INTS9: variants seen among roughly 807,000 people sequenced by gnomAD.
The protein encoded by INTS9 is protein related to CPSF subunits of 74 kDa.
Under a neutral mutation model 79.7 loss-of-function variants are expected in INTS9, and 55 were observed. That is an observed-to-expected ratio of 0.69 (90% CI 0.56 to 0.86). The LOEUF (loss-of-function observed/expected upper bound fraction) is 0.86, where lower values mean the gene tolerates loss of function less well. Among genes scored for constraint, INTS9 ranks in the 40% least tolerant of loss-of-function variants. INTS9 has a pLI of 0.00. For synonymous variants in INTS9, 319 were observed against 325.2 expected, an observed-to-expected ratio of 0.98 and a Z score of 0.20; for missense variants, 721 against 831.5, an observed-to-expected ratio of 0.87 and a Z score of 1.64.
chr8:28,811,508 G>C (rs1805142586), intron 8 of INTS9, among the ~76,000 whole-genome samples: 1 of 149,784 alleles, frequency 6.7e-6, no homozygotes, highest in African/African-American at 2.5e-5. Context: ...TGCAACCTCC[G>C]CTTCCCAGGC....
chr8:28,888,754 T>G (rs1810335344), intron 1 of INTS9, among the ~76,000 whole-genome samples: 1 of 152,192 alleles, frequency 6.6e-6, no homozygotes, highest in Non-Finnish European at 1.5e-5. Context: ...AATTTCGGAA[T>G]TGAATCCACT....
At chr8:28,864,731 A>AT (rs1341149579) in intron 1 of INTS9, among the ~76,000 whole-genome samples, 1 of 152,192 alleles carries the variant, frequency 6.6e-6, no homozygotes, top group Non-Finnish European at 1.5e-5. Context: ...CCTGTTGTAC[A>AT]TATCTTGGTT....
chr8:28,835,465 T>G, intron 5 of INTS9, 87 bp from the exon 6 acceptor site: 58 of 614,476 alleles, frequency 9.4e-5, no homozygotes, highest in Non-Finnish European at 1.4e-4. Context: ...GAGAAATGAC[T>G]TGCCCACCTC....
At chr8:28,785,413 A>G (rs1258913912) in intron 11 of INTS9, among the ~76,000 whole-genome samples, 1 of 152,178 alleles carries the variant, frequency 6.6e-6, no homozygotes, top group African/African-American at 2.4e-5. Flanking sequence ...TATGTTAACT[A>G]TGAGTTTACT....
At chr8:28,839,036 A>G (rs1806996432) in intron 4 of INTS9, among the ~76,000 whole-genome samples, 1 of 152,122 alleles carries the variant, frequency 6.6e-6, no homozygotes, top group African/African-American at 2.4e-5. Context: ...AGGGCCCTCC[A>G]CCGTGGAGGA....
intron 6 of INTS9, among the ~76,000 whole-genome samples, chr8:28,832,763 AC>A (rs1438192387): frequency 1.3e-5 from 2 of 150,916 alleles, no homozygotes; most frequent in African/African-American, 5.0e-5. Flanking sequence ...GGAGTTCAAG[AC>A]CAGTCTGGCC....
chr8:28,862,058 A>C, intron 1 of INTS9: 1 of 985,316 alleles, frequency 1.0e-6, no homozygotes, highest in Non-Finnish European at 1.2e-6. Flanking sequence ...AACTGAGTGC[A>C]CGGGAGCACA....
intron 8 of INTS9, among the ~76,000 whole-genome samples, chr8:28,803,744 T>C (rs1335842716): frequency 6.6e-6 from 1 of 152,106 alleles, no homozygotes; most frequent in African/African-American, 2.4e-5. Flanking sequence ...ATTCATATAG[T>C]TTTTATCTTT....
chr8:28,861,156 GAAGAAGTCTAGGAT>G (rs1318744638), intron 1 of INTS9, among the ~76,000 whole-genome samples: 4 of 152,204 alleles, frequency 2.6e-5, no homozygotes, highest in African/African-American at 7.2e-5. Flanking sequence ...CAATTGTCCT[GAAGAAGTCTAGGAT>G]CCATGATTTT....
At chr8:28,828,338 A>G (rs1806270871) in intron 6 of INTS9, among the ~76,000 whole-genome samples, 1 of 152,368 alleles carries the variant, frequency 6.6e-6, no homozygotes, top group Middle Eastern at 3.4e-3. Flanking sequence ...AGTTAACAAA[A>G]GCAGATTATG....
intron 10 of INTS9, among the ~76,000 whole-genome samples, chr8:28,789,292 CCA>C (rs1803789951): frequency 6.6e-6 from 1 of 152,048 alleles, no homozygotes; most frequent in East Asian, 1.9e-4. Flanking sequence ...ATTGTGAAGC[CCA>C]CCTACATAAT....
At chr8:28,814,547 T>A (rs60911346) in intron 6 of INTS9, among the ~76,000 whole-genome samples, 30,674 of 151,886 alleles carry the variant, frequency 0.2, 3,498 homozygotes, top group East Asian at 0.46. Context: ...CAAGAGGAAC[T>A]GTTGAAAAAA....
chr8:28,772,196 T>G (rs946328004), intron 14 of INTS9, among the ~76,000 whole-genome samples: 1 of 152,172 alleles, frequency 6.6e-6, no homozygotes, highest in Non-Finnish European at 1.5e-5. Flanking sequence ...CTGTAGCAAG[T>G]TGGATTGAGA....
chr8:28,829,707 C>T (rs1034760121), intron 6 of INTS9, among the ~76,000 whole-genome samples: 13 of 152,146 alleles, frequency 8.5e-5, no homozygotes, highest in African/African-American at 2.4e-4. Context: ...AGCCTCAAAT[C>T]GAATACCTCT....
At chr8:28,823,845 T>A (rs1805994657) in intron 6 of INTS9, among the ~76,000 whole-genome samples, 1 of 152,220 alleles carries the variant, frequency 6.6e-6, no homozygotes, top group African/African-American at 2.4e-5. Context: ...TATACAGCCA[T>A]AATAATGGAA....
chr8:28,811,609 C>CA (rs1367729042), intron 8 of INTS9, among the ~76,000 whole-genome samples: 1 of 152,050 alleles, frequency 6.6e-6, no homozygotes, highest in Non-Finnish European at 1.5e-5. Context: ...TTTGTAGAGA[C>CA]AGAGTTTTGC....
At chr8:28,843,266 A>C (rs1807305093) in intron 4 of INTS9, among the ~76,000 whole-genome samples, 1 of 152,220 alleles carries the variant, frequency 6.6e-6, no homozygotes, top group Admixed American at 6.5e-5. Context: ...ACCCGAGTGC[A>C]TTTGCACAAA....
rs1205325833 is a variant in INTS9, at chr8:28,777,963, G to T, written c.1271-10C>A. Reference sequence around the variant, plus strand: ...TAGGAGAAGTCTGGTTCTAGGGAAAGTACAAGAAAGAAATCTTACAATGCA... The same window carrying T: ...TAGGAGAAGTCTGGTTCTAGGGAAATTACAAGAAAGAAATCTTACAATGCA... On this transcript the variant is annotated splice_polypyrimidine_tract_variant and intron_variant, in intron 12 of 16. Transcript: ENST00000521022. 1 of 1,599,914 alleles carries T rather than the reference G, an allele frequency of 6.3e-7. No homozygotes were observed. The highest frequency in any genetic ancestry group is 1.3e-5 in the African/African-American group (1 of 74,088).
At chr8:28,791,829 A>T (rs1243604030) in intron 10 of INTS9, among the ~76,000 whole-genome samples, 1 of 152,194 alleles carries the variant, frequency 6.6e-6, no homozygotes, top group Admixed American at 6.5e-5. Context: ...TGAGTTTAAG[A>T]GTCTACGGGA....
Sources: gnomAD v4.1 joint callset for allele counts (sites outside exome capture counted in the v4.1 genomes callset) on GRCh38, gnomAD v4.1.1 for gene constraint, MANE v1.5 for transcripts, NCBI Gene and HGNC (gene_info 2026-07-23, HGNC 2026-07-21) for gene names.